Variants in DYNC1I1 observed in about 807,000 individuals in gnomAD.
DYNC1I1 encodes the protein cytoplasmic dynein 1 intermediate chain 1.
In DYNC1I1, 43 loss-of-function variants were observed where a neutral mutation model predicts 86.6. The observed-to-expected ratio is 0.50, with a 90% CI of 0.39 to 0.64. The LOEUF is 0.64. Among genes scored for constraint, DYNC1I1 ranks in the 30% least tolerant of loss-of-function variants. The pLI is 0.00. For missense variants in DYNC1I1, 604 were observed against 788.8 expected, an observed-to-expected ratio of 0.77 and a Z score of 2.81; for synonymous variants, 262 against 283.7, an observed-to-expected ratio of 0.92 and a Z score of 0.77.
At position 95,942,489 on chromosome 7, in the gene DYNC1I1, A is replaced by G. The variant is rs528211980; in HGVS notation, c.491-35023A>G. Among the ~76,000 whole-genome samples, 8 of 152,346 alleles carry G rather than the reference A, an allele frequency of 5.3e-5. No homozygotes were observed. In the South Asian group the frequency reaches 1.7e-3, roughly 32 times the overall value. On this transcript the variant is annotated intron_variant, in intron 6 of 16. Coordinates refer to ENST00000447467, the MANE Select transcript of DYNC1I1 (RefSeq NM_001135556.2). ...TCCTTCTGAAACTATTCCAACCAAT[A>G]GAAAAAGAGGGAATCCTCCCTAACT...
chr7:95,834,866 T>G (rs1298748480), intron 5 of DYNC1I1, among the ~76,000 whole-genome samples: 1 of 151,686 alleles, frequency 6.6e-6, no homozygotes, highest in African/African-American at 2.4e-5. Flanking sequence ...CTCTCTTTTT[T>G]TCTTTATTAG....
intron 16 of DYNC1I1, among the ~76,000 whole-genome samples, chr7:96,093,982 G>A (rs978917851): frequency 6.6e-6 from 1 of 152,078 alleles, no homozygotes; most frequent in South Asian, 2.1e-4. Flanking sequence ...CATGCCATTT[G>A]CCTCCCTGTT....
intron 6 of DYNC1I1, among the ~76,000 whole-genome samples, chr7:95,966,945 G>A (rs547689415): frequency 6.6e-6 from 1 of 152,274 alleles, no homozygotes; most frequent in South Asian, 2.1e-4. Context: ...TCAAGGAAAG[G>A]AAAACACTTT....
intron 5 of DYNC1I1, among the ~76,000 whole-genome samples, chr7:95,853,206 A>G (rs13244474): frequency 2.6e-5 from 4 of 152,066 alleles, no homozygotes; most frequent in Non-Finnish European, 5.9e-5. Context: ...TTTAATTGCC[A>G]TTGTGACAGT....
intron 16 of DYNC1I1, among the ~76,000 whole-genome samples, chr7:96,089,203 T>C (rs1790768473): frequency 6.7e-6 from 1 of 149,872 alleles, no homozygotes; most frequent in East Asian, 2.0e-4. Flanking sequence ...AAATTCAGAT[T>C]GTCAGCCCTC....
downstream of DYNC1I1, among the ~76,000 whole-genome samples, chr7:96,099,438 G>T (rs75211104): frequency 3.9e-3 from 588 of 152,274 alleles, 5 homozygotes; most frequent in African/African-American, 0.013. Context: ...TGGTTTCCAG[G>T]ATGTCTTAGT....
At chr7:95,790,639 CT>C (rs1369141911) in intron 1 of DYNC1I1, among the ~76,000 whole-genome samples, 3 of 152,106 alleles carry the variant, frequency 2.0e-5, no homozygotes, top group African/African-American at 7.2e-5. Flanking sequence ...AGAAGGAAAA[CT>C]GCTGACATAA....
intron 1 of DYNC1I1, among the ~76,000 whole-genome samples, chr7:95,792,889 C>CA (rs34026021): frequency 2.0e-4 from 29 of 147,206 alleles, no homozygotes; most frequent in East Asian, 8.4e-4. Context: ...GGTACAAAGG[C>CA]AAAAAAAAAC....
chr7:96,035,310 T>C (rs7796312), intron 12 of DYNC1I1, among the ~76,000 whole-genome samples: 35,538 of 152,196 alleles, frequency 0.23, 4,314 homozygotes, highest in East Asian at 0.32. Flanking sequence ...TTATTAAAGC[T>C]TGGAGCTGAC....
intron 5 of DYNC1I1, among the ~76,000 whole-genome samples, chr7:95,835,826 T>C (rs1410502681): frequency 6.6e-6 from 1 of 152,088 alleles, no homozygotes; most frequent in African/African-American, 2.4e-5. Flanking sequence ...ATTTGCTTGG[T>C]AGATCTTCCT....
chr7:95,846,302 T>C (rs911342302), intron 5 of DYNC1I1, among the ~76,000 whole-genome samples: 6 of 152,190 alleles, frequency 3.9e-5, no homozygotes, highest in African/African-American at 1.4e-4. Flanking sequence ...ATCATGACTA[T>C]TTTGATTCTT....
intron 1 of DYNC1I1, chr7:95,804,372 A>C (rs761613247): frequency 5.7e-4 from 728 of 1,277,292 alleles, no homozygotes; most frequent in Non-Finnish European, 7.0e-4. Flanking sequence ...AGTCATGATG[A>C]TGGTTCTTTT....
chr7:96,105,541 C>T (rs753485703), intron 16 of DYNC1I1, among the ~76,000 whole-genome samples: 63 of 152,102 alleles, frequency 4.1e-4, no homozygotes, highest in Non-Finnish European at 1.6e-4. Flanking sequence ...TAACATATCA[C>T]TAGACTTTAT....
intron 6 of DYNC1I1, among the ~76,000 whole-genome samples, chr7:95,960,116 GT>G (rs768596934): frequency 6.6e-6 from 1 of 151,982 alleles, no homozygotes; most frequent in Admixed American, 6.6e-5. Context: ...TTTTTGTTTT[GT>G]TTTTTTGAGA....
chr7:95,819,727 G>T (rs1049377289), intron 4 of DYNC1I1, among the ~76,000 whole-genome samples: 1 of 152,130 alleles, frequency 6.6e-6, no homozygotes, highest in African/African-American at 2.4e-5. Context: ...CGACTTTGGG[G>T]AGACTGAAGT....
At chr7:95,905,458 C>T (rs1791150817) in intron 6 of DYNC1I1, among the ~76,000 whole-genome samples, 1 of 152,114 alleles carries the variant, frequency 6.6e-6, no homozygotes, top group South Asian at 2.1e-4. Flanking sequence ...ATATTTTCTG[C>T]ACCCCTTTTT....
At position 96,104,576 on chromosome 7, in the gene DYNC1I1, T is replaced by C. The variant is rs190342633; in HGVS notation, c.1543-5403T>C. On this transcript the variant is annotated intron_variant, in intron 16 of 16. Coordinates refer to the DYNC1I1 transcript ENST00000537881. ...TGAGGTAGTGGTAAACATTATTTTT[T>C]AAACATATGGATAACCAGCTGTTTT... Among the ~76,000 whole-genome samples the C allele has an allele frequency of 2.1e-3, 315 of 152,278 alleles. 2 individuals carry two copies. Among genetic ancestry groups the C allele is most frequent in the South Asian group, 0.015 (72 of 4,830 alleles).
intron 6 of DYNC1I1, among the ~76,000 whole-genome samples, chr7:95,900,640 G>A (rs1791012680): frequency 6.6e-6 from 1 of 152,124 alleles, no homozygotes; most frequent in Non-Finnish European, 1.5e-5. Context: ...ATATCAGTTA[G>A]GGAAAATACG....
chr7:95,981,260 A>G (rs939234258), intron 7 of DYNC1I1, among the ~76,000 whole-genome samples: 3 of 152,158 alleles, frequency 2.0e-5, no homozygotes, highest in African/African-American at 7.2e-5. Flanking sequence ...AGTAGTATAA[A>G]TTAATTAAAG....
Sources: allele counts gnomAD v4.1 joint callset (sites outside exome capture counted in the v4.1 genomes callset), GRCh38; gene constraint gnomAD v4.1.1; transcripts MANE v1.5; gene names NCBI Gene and HGNC (gene_info 2026-07-23, HGNC 2026-07-21).